The following EXOC6B variants were observed in gnomAD, a reference collection of about 807,000 sequenced individuals.
EXOC6B encodes the protein exocyst complex component 6B, also known as SEC15 homolog B.
In EXOC6B, 54 loss-of-function variants were observed where a neutral mutation model predicts 113.5. The ratio of observed to expected loss-of-function variants is 0.48; its 90% CI spans 0.38 to 0.60. The LOEUF (loss-of-function observed/expected upper bound fraction) is 0.60. Among genes scored for constraint, EXOC6B ranks in the 20% least tolerant of loss-of-function variants. The pLI, the probability that EXOC6B is intolerant of heterozygous loss-of-function variation, is 0.00. For missense variants in EXOC6B, 797 were observed against 977.5 expected (o/e 0.82, Z 2.46); for synonymous variants, 357 against 339.0 (o/e 1.05, Z -0.58).
intron 18 of EXOC6B, among the ~76,000 whole-genome samples, chr2:72,449,023 T>C (rs1408487517): frequency 2.0e-5 from 3 of 152,246 alleles, no homozygotes; most frequent in African/African-American, 7.2e-5. Flanking sequence ...ACAAGCCTAT[T>C]GTTTCCCTTA....
chr2:72,785,160 A>G (rs948015341), intron 1 of EXOC6B, among the ~76,000 whole-genome samples: 1 of 152,222 alleles, frequency 6.6e-6, no homozygotes, highest in Non-Finnish European at 1.5e-5. Flanking sequence ...CTGATGTGAA[A>G]GGTAGGTTCC....
intron 6 of EXOC6B, among the ~76,000 whole-genome samples, chr2:72,635,899 G>C (rs1244434086): frequency 2.0e-5 from 3 of 152,076 alleles, no homozygotes; most frequent in Non-Finnish European, 4.4e-5. Context: ...TTGACTATTT[G>C]AAAAATAAAT....
chr2:72,586,289 A>G, intron 6 of EXOC6B, among the ~76,000 whole-genome samples: 1 of 152,294 alleles, frequency 6.6e-6, no homozygotes, highest in Non-Finnish European at 1.5e-5. Flanking sequence ...AGAAGAAACT[A>G]TCAACAGAGA....
chr2:72,192,878 T>C (rs1453934523), intron 20 of EXOC6B, among the ~76,000 whole-genome samples: 6 of 152,202 alleles, frequency 3.9e-5, no homozygotes, highest in African/African-American at 1.4e-4. Flanking sequence ...TTAAACAGGA[T>C]AGACTACAAA....
At chr2:72,293,782 T>C (rs1182433968) in intron 20 of EXOC6B, among the ~76,000 whole-genome samples, 1 of 152,114 alleles carries the variant, frequency 6.6e-6, no homozygotes, top group Non-Finnish European at 1.5e-5. Flanking sequence ...GGGGACACTA[T>C]ATGGCAAACA....
At chr2:72,335,062 C>T (rs1228757399) in intron 19 of EXOC6B, 42 bp from the exon 20 acceptor site, 2 of 1,565,642 alleles carry the variant, frequency 1.3e-6, no homozygotes, top group Non-Finnish European at 1.8e-6. Context: ...TTTAACTAAC[C>T]ATGGACAGGG....
At chr2:72,568,044 C>T (rs150424247) in intron 7 of EXOC6B, among the ~76,000 whole-genome samples, 8 of 152,002 alleles carry the variant, frequency 5.3e-5, no homozygotes, top group Non-Finnish European at 7.4e-5. Context: ...CAAAGTGGGA[C>T]GGGTACCTTT....
chr2:72,705,552 TAC>T (rs1242458854), intron 6 of EXOC6B, among the ~76,000 whole-genome samples: 1 of 152,168 alleles, frequency 6.6e-6, no homozygotes. Context: ...AATGGCTAAC[TAC>T]ACACAGAGAG....
At chr2:72,806,233 T>A (rs776427052) in intron 1 of EXOC6B, among the ~76,000 whole-genome samples, 1 of 152,194 alleles carries the variant, frequency 6.6e-6, no homozygotes, top group Non-Finnish European at 1.5e-5. Context: ...TTTATGTCCA[T>A]GTGTACTTAA....
intron 20 of EXOC6B, among the ~76,000 whole-genome samples, chr2:72,262,772 T>A (rs962540674): frequency 4.6e-5 from 7 of 152,164 alleles, no homozygotes; most frequent in Non-Finnish European, 1.5e-5. Context: ...AAGTTTTGCA[T>A]TCATCCTTCA....
chr2:72,215,774 CAG>C (rs1328654657), intron 20 of EXOC6B, among the ~76,000 whole-genome samples: 1 of 151,956 alleles, frequency 6.6e-6, no homozygotes, highest in Non-Finnish European at 1.5e-5. Flanking sequence ...AGATTGGAAA[CAG>C]GGGAGGAGAC....
chr2:72,234,145 G>A (rs1681812987), intron 20 of EXOC6B, among the ~76,000 whole-genome samples: 1 of 149,774 alleles, frequency 6.7e-6, no homozygotes, highest in Admixed American at 6.6e-5. Context: ...GGAGTGCAGT[G>A]GTGCAATCTC....
chr2:72,810,028 C>A (rs1401337216), intron 1 of EXOC6B, among the ~76,000 whole-genome samples: 1 of 152,064 alleles, frequency 6.6e-6, no homozygotes, highest in East Asian at 1.9e-4. Context: ...TTTAAAAGAA[C>A]TGAAATCATA....
intron 6 of EXOC6B, among the ~76,000 whole-genome samples, chr2:72,605,856 A>C (rs1305076691): frequency 6.6e-6 from 1 of 152,198 alleles, no homozygotes; most frequent in African/African-American, 2.4e-5. Flanking sequence ...TTAATTGTAT[A>C]GTCTCATAAC....
rs913443303 is a variant in EXOC6B, at chr2:72,249,727, C to A, written c.2197-65540G>T. ...TCACTACCCAATAATTTATTTGCTT[C>A]TTATGATCATTCCTGTTTTATGACA... On this transcript the variant is annotated intron_variant, in intron 20 of 21. Transcript: ENST00000272427. 2.0e-5 allele frequency among the ~76,000 whole-genome samples: 3 copies of A among 152,072 alleles called. No homozygotes were observed. In the East Asian group the frequency reaches 5.8e-4, roughly 29 times the overall value.
chr2:72,600,457 A>C (rs1670349691), intron 6 of EXOC6B, among the ~76,000 whole-genome samples: 2 of 151,428 alleles, frequency 1.3e-5, no homozygotes, highest in African/African-American at 4.8e-5. Context: ...AAAAAAAAAA[A>C]AAAAAAAACT....
chr2:72,212,377 G>C (rs1465735346), intron 20 of EXOC6B, among the ~76,000 whole-genome samples: 1 of 152,072 alleles, frequency 6.6e-6, no homozygotes, highest in East Asian at 1.9e-4. Flanking sequence ...ATAAATCTGA[G>C]TTTCCAACAC....
intron 20 of EXOC6B, among the ~76,000 whole-genome samples, chr2:72,198,007 GC>G (rs1679275319): frequency 1.3e-5 from 2 of 152,122 alleles, no homozygotes; most frequent in African/African-American, 4.8e-5. Context: ...GTTGGATATT[GC>G]CCCATGATCT....
intron 6 of EXOC6B, among the ~76,000 whole-genome samples, chr2:72,575,873 T>C (rs766032603): frequency 2.0e-5 from 3 of 152,158 alleles, no homozygotes; most frequent in African/African-American, 2.4e-5. Flanking sequence ...ATCACATTAA[T>C]GTATACCTTT....
Sources: allele counts gnomAD v4.1 joint callset (sites outside exome capture counted in the v4.1 genomes callset), GRCh38; gene constraint gnomAD v4.1.1; transcripts MANE v1.5; gene names NCBI Gene and HGNC (gene_info 2026-07-23, HGNC 2026-07-21).